Variants in PIK3CG observed in about 807,000 individuals in gnomAD.
PIK3CG encodes the protein phosphatidylinositol 4,5-bisphosphate 3-kinase catalytic subunit gamma isoform.
Under a neutral mutation model 102.3 loss-of-function variants are expected in PIK3CG, and 55 were observed. The ratio of observed to expected loss-of-function variants is 0.54; its 90% CI spans 0.43 to 0.67. PIK3CG has a LOEUF of 0.67. Among genes scored for constraint, PIK3CG ranks in the 30% least tolerant of loss-of-function variants. The pLI, the probability that PIK3CG is intolerant of heterozygous loss-of-function variation, is 0.00. For synonymous variants in PIK3CG, 552 were observed against 540.0 expected (o/e 1.02, Z -0.31); for missense variants, 1,258 against 1,391.8 (o/e 0.90, Z 1.53).
chr7:106,888,541 C>T (rs767621951), intron 10 of PIK3CG, among the ~76,000 whole-genome samples: 11 of 152,226 alleles, frequency 7.2e-5, no homozygotes, highest in Admixed American at 2.0e-4. Context: ...TCTGTCCTCT[C>T]AGTCTGGAGT....
At position 106,868,868 on chromosome 7, in the gene PIK3CG, G is replaced by A. The variant is rs1790423394; in HGVS notation, c.1307G>A (p.Gly436Asp). Reference sequence around the variant, plus strand: ...CTACTGAACCTCCAGATCTACTGCGGTAAAGCTCCAGCACTGTCCAGCAAG... The same window carrying A: ...CTACTGAACCTCCAGATCTACTGCGATAAAGCTCCAGCACTGTCCAGCAAG... ...GALLNLQIYCGKAPALSSKAS... is the reference protein window; with the variant it reads ...GALLNLQIYCDKAPALSSKAS... The change falls in exon 2 of 11, where the codon GGT (glycine) becomes GAT (aspartate). Residue 436 changes from glycine (G) to aspartate (D), a missense_variant. By Grantham distance (94) the Gly-to-Asp change is moderately conservative. Around this residue, in one of 2 missense-constraint regions of PIK3CG, gnomAD observed 832 missense variants for 787.5 expected, o/e 1.06. Coordinates refer to ENST00000496166, the MANE Select transcript of PIK3CG (RefSeq NM_001282426.2). The surrounding 1 kb of genome is among the most constrained non-coding windows in gnomAD (Gnocchi z 6.2). The A allele has an allele frequency of 6.2e-7, 1 of 1,614,218 alleles. No homozygotes were observed.
Position 106,905,262 on chromosome 7 carries a change from G to A in PIK3CG, c.3184G>A (p.Glu1062Lys), listed in dbSNP as rs113001043. ...RDALTVGKNEEDAKKYFLDQI... is the reference protein window; with the variant it reads ...RDALTVGKNEKDAKKYFLDQI... The stretch of plus-strand genomic sequence containing the variant: ...TGCCCTCACAGTGGGGAAAAATGAG[G>A]AGGATGCTAAAAAGTATTTTCTTGA... Residue 1062 changes from glutamate to lysine, a missense_variant, in exon 11 of 11, where the codon GAG becomes AAG. By Grantham distance (56) the Glu-to-Lys change is moderately conservative. Transcript: ENST00000496166. This position sits in a 1 kb window ranked among gnomAD's most constrained non-coding sequence, Gnocchi z 5.6. 1 of 1,614,004 alleles carries A rather than the reference G, an allele frequency of 6.2e-7. No individual in the cohort carries two copies. The highest frequency in any genetic ancestry group is 8.5e-7 in the Non-Finnish European group (1 of 1,180,010).
rs972303905 is a variant in PIK3CG at position 106,890,760 on chromosome 7, C to G, written c.3030+4468C>G. 2.6e-5 allele frequency among the ~76,000 whole-genome samples: 4 copies of G among 152,184 alleles called. No homozygotes were observed. Among genetic ancestry groups the G allele is most frequent in the Non-Finnish European group, 5.9e-5 (4 of 68,034 alleles). Reference sequence around the variant, plus strand: ...TCATTCTGAATAAAATCTAAATATCCAGGCTTGGCCTGCTAGGCCCTGTGT... The same window carrying G: ...TCATTCTGAATAAAATCTAAATATCGAGGCTTGGCCTGCTAGGCCCTGTGT... On this transcript the variant is annotated intron_variant, in intron 10 of 10. Transcript: ENST00000496166. The surrounding 1 kb of genome is among the most constrained non-coding windows in gnomAD (Gnocchi z 4.2).
At chr7:106,898,257 CT>C (rs1791458777) in intron 10 of PIK3CG, among the ~76,000 whole-genome samples, 1 of 152,020 alleles carries the variant, frequency 6.6e-6, no homozygotes, top group Non-Finnish European at 1.5e-5. Flanking sequence ...TGTTTAAGTT[CT>C]TTATAGATGC....
rs778247720 is a variant in PIK3CG, at chr7:106,868,187, A to C, written c.626A>C (p.Glu209Ala). The change falls in exon 2 of 11, where the codon GAG becomes GCG. Residue 209 changes from glutamate to alanine, a missense_variant. By Grantham distance (107) the Glu-to-Ala change is moderately radical. Coordinates refer to ENST00000496166, the MANE Select transcript of PIK3CG (RefSeq NM_001282426.2). The surrounding 1 kb of genome is among the most constrained non-coding windows in gnomAD (Gnocchi z 6.2). ...HPWVTSKPLP[E>A]YLWKKIANNC... ...TGGGTGACGTCCAAGCCCCTCCCGG[A>C]GTACCTGTGGAAGAAGATTGCCAAC... 6.2e-7 allele frequency: 1 copy of C among 1,612,420 alleles called. No individual in the cohort carries two copies. Among genetic ancestry groups the C allele is most frequent in the South Asian group, 1.1e-5 (1 of 91,076 alleles).
chr7:106,886,275 C>T lies in PIK3CG; in HGVS notation c.3013C>T (p.His1005Tyr), dbSNP rs2116562627. 7 of 1,614,128 alleles carry T rather than the reference C, an allele frequency of 4.3e-6. No homozygotes were observed. The highest frequency in any genetic ancestry group is 5.9e-6 in the Non-Finnish European group (7 of 1,180,004). ...AACTTCTGGAAAGAAGACAAGCCCA[C>T]ACTTCCAGAAATTTCAGGTAAGTCA... ...MGTSGKKTSPHFQKFQDICVK... is the reference protein window; with the variant it reads ...MGTSGKKTSPYFQKFQDICVK... The change falls in exon 10 of 11, where the codon CAC (histidine) becomes TAC (tyrosine). Residue 1005 changes from histidine to tyrosine, a missense_variant. By Grantham distance (83) the His-to-Tyr change is moderately conservative (BLOSUM62 2). This residue lies in a region of PIK3CG where 426 missense variants were observed against 604.2 expected (regional missense o/e 0.71). Coordinates refer to ENST00000496166, the MANE Select transcript of PIK3CG (RefSeq NM_001282426.2).
At chr7:106,904,237 T>C (rs1791633111) in intron 10 of PIK3CG, among the ~76,000 whole-genome samples, 1 of 152,210 alleles carries the variant, frequency 6.6e-6, no homozygotes, top group Non-Finnish European at 1.5e-5. Context: ...TCCCTCAGCT[T>C]TAGAATAAAC....
At chr7:106,887,879 C>T (rs1791147241) in intron 10 of PIK3CG, among the ~76,000 whole-genome samples, 1 of 149,138 alleles carries the variant, frequency 6.7e-6, no homozygotes, top group East Asian at 2.0e-4. Context: ...CAGCAATGAA[C>T]TGCAACTTAA....
rs75568841 is a variant in PIK3CG, at chr7:106,887,183, A to T, written c.3030+891A>T. On this transcript the variant is annotated intron_variant, in intron 10 of 10. Coordinates refer to ENST00000496166, the MANE Select transcript of PIK3CG (RefSeq NM_001282426.2). ...TACTTCAAATACCAAAGAGAATTAA[A>T]TACTGGCAAAATTAATAACTTAATG... Among the ~76,000 whole-genome samples the T allele has an allele frequency of 2.8e-3, 433 of 152,346 alleles. 9 individuals are homozygous for T. Among genetic ancestry groups the T allele is most frequent in the Admixed American group, 0.022 (330 of 15,308 alleles).
Position 106,868,295 on chromosome 7 carries a change from T to C in PIK3CG, c.734T>C (p.Leu245Pro), listed in dbSNP as rs1385948934. 1.2e-6 allele frequency: 2 copies of C among 1,614,058 alleles called. No individual in the cohort carries two copies. Among genetic ancestry groups the C allele is most frequent in the African/African-American group, 2.7e-5 (2 of 74,942 alleles). Residue 245 changes from leucine to proline, a missense_variant, in exon 2 of 11, where the codon CTG (leucine) becomes CCG (proline). By Grantham distance (98) the Leu-to-Pro change is moderately conservative. Around this residue, in one of 2 missense-constraint regions of PIK3CG, gnomAD observed 832 missense variants for 787.5 expected, o/e 1.06. Coordinates refer to ENST00000496166, the MANE Select transcript of PIK3CG (RefSeq NM_001282426.2). This position sits in a 1 kb window ranked among gnomAD's most constrained non-coding sequence, Gnocchi z 6.2. ...VSPDDTPGAI[L>P]QSFFTKMAKK... ...CCCGACGACACCCCCGGCGCCATCC[T>C]GCAGAGCTTCTTCACCAAGATGGCC...
rs773456619 is a variant in PIK3CG at position 106,868,088 on chromosome 7, C to T, written c.527C>T (p.Thr176Met). Reference sequence around the variant, plus strand: ...GTGCACGACGATGAGCTGGAGTTCACGCGCCGTGGCTTGGTGACCCCGCGC... The same window carrying T: ...GTGCACGACGATGAGCTGGAGTTCATGCGCCGTGGCTTGGTGACCCCGCGC... ...SNVHDDELEF[T>M]RRGLVTPRMA... The change falls in exon 2 of 11, where the codon ACG (threonine) becomes ATG (methionine). Residue 176 changes from threonine to methionine, a missense_variant. Physicochemically the swap from Thr to Met is moderately conservative, Grantham distance 81 (BLOSUM62 -1). Around this residue, in one of 2 missense-constraint regions of PIK3CG, gnomAD observed 832 missense variants for 787.5 expected, o/e 1.06. Transcript: ENST00000496166. This position sits in a 1 kb window ranked among gnomAD's most constrained non-coding sequence, Gnocchi z 6.2. 22 of 1,612,896 alleles carry T rather than the reference C, an allele frequency of 1.4e-5. No homozygotes were observed. The South Asian group carries it at 2.0e-4, about 14-fold the overall frequency.
At position 106,874,588 on chromosome 7, in the gene PIK3CG, C is replaced by T; in HGVS notation, c.2288-112C>T. On this transcript the variant is annotated intron_variant, in intron 4 of 10. Transcript: ENST00000496166. This position sits in a 1 kb window ranked among gnomAD's most constrained non-coding sequence, Gnocchi z 4.3. ...CCACCCACATTTCTCCTGCTCTACA[C>T]CAGAACAAATATATAGAATGCTATG... 1 of 773,250 alleles carries T rather than the reference C, an allele frequency of 1.3e-6. No individual in the cohort carries two copies. The highest frequency in any genetic ancestry group is 2.1e-6 in the Non-Finnish European group (1 of 475,520). 47.9% of individuals were successfully genotyped at this position (773,250 alleles called of 1,614,324 possible).
At chr7:106,882,952 C>A (rs2116542416) in intron 7 of PIK3CG, 81 bp from the exon 8 acceptor site, 25 of 959,938 alleles carry the variant, frequency 2.6e-5, no homozygotes, top group Non-Finnish European at 3.4e-5. Flanking sequence ...CTGCCCTTCA[C>A]TCAACAAAGA....
At chr7:106,878,943 AAGTG>A (rs1352033442) in intron 5 of PIK3CG, among the ~76,000 whole-genome samples, 1 of 152,200 alleles carries the variant, frequency 6.6e-6, no homozygotes, top group African/African-American at 2.4e-5. Context: ...TTTTATGTTT[AAGTG>A]AGTAACTGCC....
Position 106,874,889 on chromosome 7 carries a change from A to C in PIK3CG, c.2391+86A>C. 1.2e-6 allele frequency: 1 copy of C among 810,040 alleles called. No homozygotes were observed. Among genetic ancestry groups the C allele is most frequent in the Non-Finnish European group, 2.0e-6 (1 of 489,152 alleles). The allele number at this position is 810,040 out of a possible 1,614,324, so 50.2% of individuals were successfully genotyped here. A position where few individuals can be genotyped will look rare whatever the true frequency, so the allele number is the denominator to read the frequency against. ...GCTGGGGCCCAGTACTTAAAAGCTA[A>C]TGTTTATGCAGAGACAGGGAAGCTG... is the stretch of plus-strand genomic sequence containing the variant. On this transcript the variant is annotated intron_variant, in intron 5 of 10. Coordinates refer to ENST00000496166, the MANE Select transcript of PIK3CG (RefSeq NM_001282426.2). The surrounding 1 kb of genome is among the most constrained non-coding windows in gnomAD (Gnocchi z 4.3).
At position 106,902,482 on chromosome 7, in the gene PIK3CG, A is replaced by G. The variant is rs1220816473; in HGVS notation, c.3031-2627A>G. Among the ~76,000 whole-genome samples, 1 of 152,010 alleles carries G rather than the reference A, an allele frequency of 6.6e-6. No homozygotes were observed. Among genetic ancestry groups the G allele is most frequent in the Non-Finnish European group, 1.5e-5 (1 of 68,004 alleles). ...AATCAAATTACCTGCTGGTAACATT[A>G]TATGTATTCCTATCTACCATCAGCT... On this transcript the variant is annotated intron_variant, in intron 10 of 10. Coordinates refer to ENST00000496166, the MANE Select transcript of PIK3CG (RefSeq NM_001282426.2). This position sits in a 1 kb window ranked among gnomAD's most constrained non-coding sequence, Gnocchi z 4.3.
At position 106,879,807 on chromosome 7, in the gene PIK3CG, T is replaced by C; in HGVS notation, c.2538+142T>C. On this transcript the variant is annotated intron_variant, in intron 6 of 10. Coordinates refer to ENST00000496166, the MANE Select transcript of PIK3CG (RefSeq NM_001282426.2). The surrounding 1 kb of genome is among the most constrained non-coding windows in gnomAD (Gnocchi z 4.9). ...ATCAAATATTACATCATAGAGAGTT[T>C]TCACTTGGGGAATTTGGCTGCAGAC... 4.4e-6 allele frequency: 3 copies of C among 685,400 alleles called. No individual in the cohort carries two copies. The allele number at this position is 685,400 out of a possible 1,614,324, so 42.5% of individuals were successfully genotyped here. A position where few individuals can be genotyped will look rare whatever the true frequency, so the allele number is the denominator to read the frequency against.
intron 1 of PIK3CG, among the ~76,000 whole-genome samples, chr7:106,866,215 G>C (rs936520274): frequency 3.9e-5 from 6 of 152,300 alleles, no homozygotes; most frequent in Non-Finnish European, 5.9e-5. Flanking sequence ...TTATTTAAGA[G>C]AGTAAACGAT....
In PIK3CG at chr7:106,868,554, A is replaced by T. The variant is rs149742539; in HGVS notation, c.993A>T (p.Gly331=). Residue 331 remains glycine (G), a synonymous_variant, in exon 2 of 11, where the codon GGA becomes GGT. Coordinates refer to ENST00000496166, the MANE Select transcript of PIK3CG (RefSeq NM_001282426.2). The surrounding 1 kb of genome is among the most constrained non-coding windows in gnomAD (Gnocchi z 6.2). Reference sequence around the variant, plus strand: ...GGCCACTGGTGGATGACTGCACGGGAGTCACCGGCTACCATGAGCAGCTTA... The same window carrying T: ...GGCCACTGGTGGATGACTGCACGGGTGTCACCGGCTACCATGAGCAGCTTA... ...EEWPLVDDCT[G]VTGYHEQLTI... 70 of 1,613,944 alleles carry T rather than the reference A, an allele frequency of 4.3e-5. No individual in the cohort carries two copies. The highest frequency in any genetic ancestry group is 2.8e-4 in the Admixed American group (17 of 60,008).
Sources: allele counts gnomAD v4.1 joint callset (sites outside exome capture counted in the v4.1 genomes callset), GRCh38; gene constraint gnomAD v4.1.1; regional missense constraint gnomAD v4.1.1; non-coding constraint Gnocchi (gnomAD v3.1); transcripts MANE v1.5; gene names NCBI Gene and HGNC (gene_info 2026-07-23, HGNC 2026-07-21).